MTA3: variants seen among roughly 807,000 people sequenced by gnomAD.
MTA3 encodes metastasis-associated protein MTA3.
A neutral mutation model predicts 83.5 loss-of-function variants in MTA3; 34 were observed. The ratio of observed to expected loss-of-function variants is 0.41; its 90% CI spans 0.31 to 0.54. The LOEUF (loss-of-function observed/expected upper bound fraction) is 0.54. Ranked by LOEUF, MTA3 falls within the 20% of genes least tolerant of loss-of-function variation. The pLI, the probability that MTA3 is intolerant of heterozygous loss-of-function variation, is 0.33. For missense variants in MTA3, 761 were observed against 726.4 expected (o/e 1.05, Z -0.55); for synonymous variants, 303 against 252.7 (o/e 1.20, Z -1.89).
At chr2:42,676,036 TTACTC>T (rs1691324131) in intron 8 of MTA3, among the ~76,000 whole-genome samples, 1 of 152,184 alleles carries the variant, frequency 6.6e-6, no homozygotes, top group South Asian at 2.1e-4. Flanking sequence ...ATTCTGAGCT[TTACTC>T]TCCTCTCCTT....
chr2:42,578,945 C>T (rs548235948), intron 2 of MTA3, among the ~76,000 whole-genome samples, 162 bp from the exon 3 acceptor site: 7 of 152,208 alleles, frequency 4.6e-5, no homozygotes, highest in Middle Eastern at 6.8e-3. Flanking sequence ...AAATGTTGCT[C>T]ATCCTTATTT....
chr2:42,620,656 C>T (rs536528944), intron 4 of MTA3, among the ~76,000 whole-genome samples: 30 of 152,264 alleles, frequency 2.0e-4, no homozygotes, highest in African/African-American at 7.2e-4. Context: ...CCATGCCTGG[C>T]TAGTTTTTAA....
Position 42,617,356 on chromosome 2 carries a change from ATTTGT to A in MTA3, c.317+7776_317+7780del, listed in dbSNP as rs540593723. 5.1e-4 allele frequency among the ~76,000 whole-genome samples: 78 copies of A among 152,234 alleles called. 1 individual carries two copies. Among genetic ancestry groups the A allele is most frequent in the African/African-American group, 1.6e-3 (67 of 41,536 alleles). ...ATACATACTGATGTGTTCATTGTAG[ATTTGT>A]TTTATTTTTTCTCTGAGTTTTCTTG... On this transcript the variant is annotated intron_variant, in intron 4 of 16. Transcript: ENST00000405094.
In MTA3 at chr2:42,718,943, G is replaced by A. The variant is rs979234183; in HGVS notation, c.1526-45G>A. The A allele has an allele frequency of 3.5e-6, 5 of 1,427,144 alleles. No individual in the cohort carries two copies. In the African/African-American group the frequency reaches 7.1e-5, roughly 20 times the overall value. 88.4% of individuals were successfully genotyped at this position (1,427,144 alleles called of 1,614,324 possible). ...CTGTGGTGCATGTAGTCTGGCTAGA[G>A]AAATCCATTTCATTGGTTATCTCCA... On this transcript the variant is annotated intron_variant, in intron 14 of 16. Coordinates refer to ENST00000405094, the MANE Select transcript of MTA3 (RefSeq NM_001330442.2).
At chr2:42,612,317 C>T (rs774986629) in intron 4 of MTA3, among the ~76,000 whole-genome samples, 12 of 152,038 alleles carry the variant, frequency 7.9e-5, no homozygotes, top group African/African-American at 1.2e-4. Context: ...TGGGCTCAAG[C>T]GATCCTCCCA....
chr2:42,563,717 C>T (rs1443626218), upstream of MTA3, among the ~76,000 whole-genome samples: 5 of 152,108 alleles, frequency 3.3e-5, no homozygotes, highest in Non-Finnish European at 7.4e-5. Flanking sequence ...CTGCCCACCT[C>T]GGCCTCCCAA....
Position 42,753,916 on chromosome 2 carries a change from C to T in MTA3, c.*517C>T, listed in dbSNP as rs1465667349. On this transcript the variant is annotated 3_prime_UTR_variant, in exon 17 of 17. Coordinates refer to ENST00000405094, the MANE Select transcript of MTA3 (RefSeq NM_001330442.2). The stretch of plus-strand genomic sequence containing the variant: ...GGTATTTCCCTGTCCTTGCTGTTAC[C>T]GTCACTCAGCTTTTTCTCGATAGGC... 9 of 985,446 alleles carry T rather than the reference C, an allele frequency of 9.1e-6. No individual in the cohort carries two copies. The East Asian group carries it at 4.5e-4, about 50-fold the overall frequency. 61.0% of individuals were successfully genotyped at this position (985,446 alleles called of 1,614,324 possible).
At chr2:42,681,860 C>A in intron 8 of MTA3, among the ~76,000 whole-genome samples, 1 of 148,572 alleles carries the variant, frequency 6.7e-6, no homozygotes. Context: ...CACAGCACTC[C>A]AGCATGGGTA....
chr2:42,550,612 T>C, intron 2 of MTA3, among the ~76,000 whole-genome samples: 1 of 151,986 alleles, frequency 6.6e-6, no homozygotes, highest in South Asian at 2.1e-4. Context: ...GCAGAGTACA[T>C]GGGGAGAAAG....
At chr2:42,681,122 T>C (rs1691858875) in intron 8 of MTA3, among the ~76,000 whole-genome samples, 1 of 152,208 alleles carries the variant, frequency 6.6e-6, no homozygotes, top group African/African-American at 2.4e-5. Context: ...TTATGGTGCT[T>C]GTGTGTTCTA....
At chr2:42,560,014 T>A (rs1027122738) in intron 2 of MTA3, among the ~76,000 whole-genome samples, 2 of 152,142 alleles carry the variant, frequency 1.3e-5, no homozygotes, top group East Asian at 3.9e-4. Flanking sequence ...TTTCTCTTCC[T>A]GAGGGTTCAT....
At chr2:42,594,728 A>ATATATATATATATATATATATATTTT in intron 3 of MTA3, among the ~76,000 whole-genome samples, 4 of 24,044 alleles carry the variant, frequency 1.7e-4, no homozygotes, top group Non-Finnish European at 6.5e-5. Flanking sequence ...ATATATATAT[A>ATATATATATATATATATATATATTTT]TTTTTTTTTT....
chr2:42,724,080 A>G (rs1667626338), intron 16 of MTA3, among the ~76,000 whole-genome samples: 1 of 152,152 alleles, frequency 6.6e-6, no homozygotes, highest in Non-Finnish European at 1.5e-5. Flanking sequence ...CCTTGACACA[A>G]TATACCTGAT....
intron 2 of MTA3, among the ~76,000 whole-genome samples, chr2:42,514,882 G>T (rs1387464406): frequency 6.7e-6 from 1 of 149,384 alleles, no homozygotes; most frequent in African/African-American, 2.5e-5. Flanking sequence ...TAGAGATGAG[G>T]TTGCCACTGT....
At chr2:42,579,750 T>C (rs1679414791) in intron 3 of MTA3, among the ~76,000 whole-genome samples, 2 of 152,102 alleles carry the variant, frequency 1.3e-5, no homozygotes, top group South Asian at 4.1e-4. Flanking sequence ...GGAGTCTTGC[T>C]ATGTTGCCCA....
intron 3 of MTA3, among the ~76,000 whole-genome samples, chr2:42,586,557 A>AACACACACACACACAC (rs68029790): frequency 1.9e-4 from 24 of 126,016 alleles, no homozygotes; most frequent in African/African-American, 4.4e-4. Flanking sequence ...AAGGAAGGAA[A>AACACACACACACACAC]ACACACACAC....
At chr2:42,513,867 A>G (rs149902701) in intron 2 of MTA3, among the ~76,000 whole-genome samples, 48 of 152,322 alleles carry the variant, frequency 3.2e-4, no homozygotes, top group Non-Finnish European at 5.7e-4. Flanking sequence ...AAATCCAGCA[A>G]TGCTGGCCTC....
intron 8 of MTA3, among the ~76,000 whole-genome samples, chr2:42,663,452 C>G (rs1016698562): frequency 6.6e-6 from 1 of 152,174 alleles, no homozygotes; most frequent in African/African-American, 2.4e-5. Flanking sequence ...TACCTATATA[C>G]CTTAATTCCT....
At chr2:42,499,747 C>T (rs1048257820) in intron 2 of MTA3, among the ~76,000 whole-genome samples, 1 of 147,734 alleles carries the variant, frequency 6.8e-6, no homozygotes, top group Non-Finnish European at 1.5e-5. Context: ...GAGATCAAGG[C>T]AATGCACTAC....
Sources: allele counts gnomAD v4.1 joint callset (sites outside exome capture counted in the v4.1 genomes callset), GRCh38; gene constraint gnomAD v4.1.1; transcripts MANE v1.5; gene names NCBI Gene and HGNC (gene_info 2026-07-23, HGNC 2026-07-21).